Variants in CLSTN2 observed in about 807,000 individuals in gnomAD.
CLSTN2 encodes calsyntenin-2.
Under a neutral mutation model 101.2 loss-of-function variants are expected in CLSTN2, and 48 were observed. The ratio of observed to expected loss-of-function variants is 0.47; its 90% confidence interval spans 0.38 to 0.60. The LOEUF (loss-of-function observed/expected upper bound fraction) is 0.60, where lower values mean the gene tolerates loss of function less well. Ranked by LOEUF, CLSTN2 falls within the 20% of genes least tolerant of loss-of-function variation. The probability of loss-of-function intolerance (pLI) is 0.00; values close to 1 mark genes in which losing one functional copy is unlikely to be tolerated. For missense variants in CLSTN2, 1,160 were observed against 1,238.2 expected (o/e 0.94, Z 0.95); for synonymous variants, 481 against 463.6 (o/e 1.04, Z -0.48).
chr3:140,314,729 G>A (rs2087212470), intron 2 of CLSTN2, among the ~76,000 whole-genome samples: 1 of 152,126 alleles, frequency 6.6e-6, no homozygotes, highest in Admixed American at 6.5e-5. Context: ...TCTAATAGTG[G>A]ACACTCCCTT....
intron 2 of CLSTN2, among the ~76,000 whole-genome samples, chr3:140,181,496 G>A (rs1379518980): frequency 6.6e-6 from 1 of 152,230 alleles, no homozygotes; most frequent in Non-Finnish European, 1.5e-5. Context: ...GTACTGTCAA[G>A]GTATGTTGCC....
intron 9 of CLSTN2, among the ~76,000 whole-genome samples, chr3:140,535,677 G>A (rs1177635164): frequency 6.6e-6 from 1 of 152,208 alleles, no homozygotes; most frequent in Non-Finnish European, 1.5e-5. Context: ...ATTGCAAGGA[G>A]GCCCTTTATA....
chr3:140,504,016 C>A (rs1934635383), intron 8 of CLSTN2, among the ~76,000 whole-genome samples: 1 of 152,160 alleles, frequency 6.6e-6, no homozygotes, highest in South Asian at 2.1e-4. Flanking sequence ...CACAAAATCC[C>A]TTAGAATCTC....
At chr3:140,375,291 G>T (rs1329401207) in intron 2 of CLSTN2, among the ~76,000 whole-genome samples, 1 of 152,224 alleles carries the variant, frequency 6.6e-6, no homozygotes, top group Non-Finnish European at 1.5e-5. Flanking sequence ...CAAAGGGAAA[G>T]GATAAATGTC....
At chr3:139,955,112 CTATATA>C (rs58418059) in intron 1 of CLSTN2, among the ~76,000 whole-genome samples, 13,270 of 71,558 alleles carry the variant, frequency 0.19, 1,476 homozygotes, top group East Asian at 0.34. Context: ...GGCAATATTG[CTATATA>C]TATATATATA....
intron 2 of CLSTN2, among the ~76,000 whole-genome samples, chr3:140,317,640 G>A (rs2087242075): frequency 6.6e-6 from 1 of 152,100 alleles, no homozygotes; most frequent in Admixed American, 6.5e-5. Flanking sequence ...AGGCTCAAAT[G>A]GGAACCTAAC....
At chr3:139,967,120 C>G (rs938357596) in intron 1 of CLSTN2, among the ~76,000 whole-genome samples, 1 of 152,114 alleles carries the variant, frequency 6.6e-6, no homozygotes, top group Admixed American at 6.5e-5. Context: ...GGCCAGTGCT[C>G]CTAAACACCT....
chr3:140,449,130 T>A (rs546075019), intron 6 of CLSTN2, among the ~76,000 whole-genome samples: 1 of 152,260 alleles, frequency 6.6e-6, no homozygotes, highest in South Asian at 2.1e-4. Flanking sequence ...ATTGGTCTCC[T>A]CCCCAAAGCG....
At chr3:140,244,586 G>A (rs1213052564) in intron 2 of CLSTN2, among the ~76,000 whole-genome samples, 2 of 152,272 alleles carry the variant, frequency 1.3e-5, no homozygotes, top group East Asian at 1.9e-4. Flanking sequence ...TTAAGTTCAT[G>A]CCTGGCACAT....
At chr3:140,185,053 C>T (rs535278642) in intron 2 of CLSTN2, among the ~76,000 whole-genome samples, 88 of 152,250 alleles carry the variant, frequency 5.8e-4, no homozygotes, top group Non-Finnish European at 1.1e-3. Context: ...TGATTCTGCT[C>T]CTTAAAGGGG....
intron 3 of CLSTN2, among the ~76,000 whole-genome samples, chr3:140,404,079 C>T (rs2088276474): frequency 6.6e-6 from 1 of 152,246 alleles, no homozygotes; most frequent in African/African-American, 2.4e-5. Context: ...GGTGTCACTT[C>T]TTCCAGAAAG....
intron 8 of CLSTN2, chr3:140,508,100 C>T (rs1377833721): frequency 6.6e-6 from 1 of 152,150 alleles, no homozygotes; most frequent in Non-Finnish European, 1.5e-5. Context: ...TGCATTGGCC[C>T]CTCCCTAGCT....
chr3:140,130,897 C>G (rs75741798), intron 1 of CLSTN2, among the ~76,000 whole-genome samples: 2,623 of 152,212 alleles, frequency 0.017, 64 homozygotes, highest in African/African-American at 0.056. Flanking sequence ...CACTGACAAC[C>G]CTTTACACCA....
intron 5 of CLSTN2, among the ~76,000 whole-genome samples, chr3:140,438,607 G>T (rs112557214): frequency 0.026 from 3,953 of 152,086 alleles, 176 homozygotes; most frequent in African/African-American, 0.088. Flanking sequence ...AGCCATGTAA[G>T]TAAAGATTCT....
intron 1 of CLSTN2, among the ~76,000 whole-genome samples, chr3:140,011,461 C>T (rs2007072059): frequency 6.6e-6 from 1 of 152,148 alleles, no homozygotes; most frequent in African/African-American, 2.4e-5. Flanking sequence ...CCATCCTGCC[C>T]ACTATGTGCT....
At chr3:140,254,784 G>A (rs1467602485) in intron 2 of CLSTN2, among the ~76,000 whole-genome samples, 1 of 152,090 alleles carries the variant, frequency 6.6e-6, no homozygotes, top group Non-Finnish European at 1.5e-5. Flanking sequence ...ATTTTATAAT[G>A]AAGACTCCAA....
chr3:140,345,118 C>T (rs1369496670), intron 2 of CLSTN2, among the ~76,000 whole-genome samples: 1 of 152,092 alleles, frequency 6.6e-6, no homozygotes, highest in Non-Finnish European at 1.5e-5. Flanking sequence ...CTCATTTGCC[C>T]TTTTGCCTTT....
intron 2 of CLSTN2, among the ~76,000 whole-genome samples, 175 bp downstream of exon 2, chr3:140,176,248 C>T (rs57834602): frequency 6.6e-6 from 1 of 152,128 alleles, no homozygotes; most frequent in Admixed American, 6.6e-5. Context: ...TCTGGCTGTC[C>T]TTATGTTTTT....
At chr3:140,217,656 G>A (rs190642226) in intron 2 of CLSTN2, among the ~76,000 whole-genome samples, 71 of 152,302 alleles carry the variant, frequency 4.7e-4, no homozygotes, top group Admixed American at 3.3e-3. Flanking sequence ...AAGGGTTGAC[G>A]TCCTAGGATT....
Sources: allele counts gnomAD v4.1 joint callset (sites outside exome capture counted in the v4.1 genomes callset), GRCh38; gene constraint gnomAD v4.1.1; transcripts MANE v1.5; gene names NCBI Gene and HGNC (gene_info 2026-07-23, HGNC 2026-07-21).